The following CCDC171 variants were observed in gnomAD, a reference collection of about 807,000 sequenced individuals.
CCDC171 encodes coiled-coil domain containing 171, also known as coiled-coil domain-containing protein 171.
A neutral mutation model predicts 168.2 loss-of-function variants in CCDC171; 177 were observed. The observed-to-expected ratio is 1.05, with a 90% confidence interval of 0.93 to 1.19. The LOEUF is 1.19. CCDC171 is among the 50% of genes most tolerant of loss of function. The probability of loss-of-function intolerance (pLI) is 0.00; values close to 1 mark genes in which losing one functional copy is unlikely to be tolerated. For missense variants in CCDC171, 1,991 were observed against 1,539.0 expected, an observed-to-expected ratio of 1.29 and a Z score of -4.91; for synonymous variants, 687 against 540.8, an observed-to-expected ratio of 1.27 and a Z score of -3.75.
At chr9:15,683,308 A>G (rs1353701820) in intron 10 of CCDC171, among the ~76,000 whole-genome samples, 1 of 151,994 alleles carries the variant, frequency 6.6e-6, no homozygotes, top group African/African-American at 2.4e-5. Context: ...ATGATTTTGG[A>G]AAGTGCTTTG....
chr9:15,680,174 A>G (rs1351207347), intron 10 of CCDC171, among the ~76,000 whole-genome samples: 1 of 152,188 alleles, frequency 6.6e-6, no homozygotes, highest in East Asian at 1.9e-4. Flanking sequence ...CATTTTACAT[A>G]CCTAGATTCC....
intron 25 of CCDC171, among the ~76,000 whole-genome samples, chr9:15,961,053 A>G (rs1830286255): frequency 6.6e-6 from 1 of 152,190 alleles, no homozygotes; most frequent in Non-Finnish European, 1.5e-5. Flanking sequence ...TGAGAATTTA[A>G]TGCTAAGTTT....
rs375214888 is a variant in CCDC171, at chr9:15,778,982, G to A, written c.2913G>A (p.Ser971=). 135 of 1,523,354 alleles carry A rather than the reference G, an allele frequency of 8.9e-5. No individual in the cohort carries two copies. Among genetic ancestry groups the A allele is most frequent in the Middle Eastern group, 3.5e-4 (2 of 5,734 alleles). The allele number at this position is 1,523,354 out of a possible 1,614,324, so 94.4% of individuals were successfully genotyped here. The change falls in exon 20 of 26, where the codon TCG becomes TCA. Residue 971 remains serine, a synonymous_variant. Transcript: ENST00000380701. ...GHVPITKSTA[S]LQKQILGFTQ... is the part of the protein sequence containing the mutation. ...TTTAACAACAGAAAAGCACAGCATC[G>A]TTGCAGAAGCAAATACTTGGATTTA... is the stretch of plus-strand genomic sequence containing the variant.
At chr9:15,623,475 G>GCGCGCGCACA in intron 7 of CCDC171, 62 bp downstream of exon 7, 69 of 315,404 alleles carry the variant, frequency 2.2e-4, no homozygotes, top group African/African-American at 5.9e-4. Context: ...GCGCGCGCGC[G>GCGCGCGCACA]CACACACACA....
At chr9:15,565,191 TG>T (rs2039634324) in intron 2 of CCDC171, among the ~76,000 whole-genome samples, 1 of 151,140 alleles carries the variant, frequency 6.6e-6, no homozygotes, top group South Asian at 2.1e-4. Context: ...CGAGTTCAAG[TG>T]ATTCCCCTGC....
At chr9:16,017,171 C>T (rs1833047427) in intron 3 of CCDC171, among the ~76,000 whole-genome samples, 1 of 152,014 alleles carries the variant, frequency 6.6e-6, no homozygotes, top group Admixed American at 6.6e-5. Context: ...AGGAGGAAAC[C>T]AGAAAAGTGA....
chr9:16,009,113 A>G (rs1832787062), intron 3 of CCDC171, among the ~76,000 whole-genome samples: 1 of 152,242 alleles, frequency 6.6e-6, no homozygotes, highest in African/African-American at 2.4e-5. Context: ...TGCTTTCTCT[A>G]TTATTATGGA....
chr9:15,644,622 T>C (rs974506777), intron 7 of CCDC171, among the ~76,000 whole-genome samples: 1 of 152,204 alleles, frequency 6.6e-6, no homozygotes, highest in African/African-American at 2.4e-5. Flanking sequence ...GAGAGTCCCA[T>C]GCCCACGGAG....
At chr9:15,650,805 A>G (rs1342970468) in intron 7 of CCDC171, among the ~76,000 whole-genome samples, 1 of 152,126 alleles carries the variant, frequency 6.6e-6, no homozygotes, top group African/African-American at 2.4e-5. Context: ...GAAATTATCA[A>G]GTCACTAGTT....
chr9:15,895,849 A>G (rs969483347), intron 24 of CCDC171, among the ~76,000 whole-genome samples: 2 of 152,140 alleles, frequency 1.3e-5, no homozygotes, highest in East Asian at 1.9e-4. Context: ...GGCTGCTTAA[A>G]TTTCTAAGTC....
chr9:15,784,736 C>T (rs760756167), intron 21 of CCDC171, 42 bp downstream of exon 21: 2 of 1,431,730 alleles, frequency 1.4e-6, no homozygotes, highest in Admixed American at 3.5e-5. Context: ...GATATTTTAT[C>T]TATGTGTGGA....
chr9:15,650,986 T>G (rs2047468655), intron 7 of CCDC171, among the ~76,000 whole-genome samples: 2 of 152,292 alleles, frequency 1.3e-5, no homozygotes, highest in Non-Finnish European at 2.9e-5. Context: ...TACCCATTAG[T>G]CAATCTGTCT....
At chr9:15,982,299 C>G (rs920926961) in intron 3 of CCDC171, among the ~76,000 whole-genome samples, 1 of 152,104 alleles carries the variant, frequency 6.6e-6, no homozygotes, top group South Asian at 2.1e-4. Flanking sequence ...AATTTAGAAC[C>G]GTATTCACTC....
intron 24 of CCDC171, among the ~76,000 whole-genome samples, chr9:15,918,754 G>C (rs1462168854): frequency 6.6e-6 from 1 of 151,424 alleles, no homozygotes; most frequent in African/African-American, 2.4e-5. Flanking sequence ...TTATGCTTCT[G>C]CTTTTTTTCA....
At chr9:15,631,570 C>T (rs1022397414) in intron 7 of CCDC171, among the ~76,000 whole-genome samples, 2 of 152,166 alleles carry the variant, frequency 1.3e-5, no homozygotes, top group South Asian at 2.1e-4. Flanking sequence ...GTTGGATTCA[C>T]AGCCGAATTC....
At chr9:16,104,565 G>A in the CCDC171 span, among the ~76,000 whole-genome samples, 1 of 152,078 alleles carries the variant, frequency 6.6e-6, no homozygotes. Flanking sequence ...ATTTCAGGGA[G>A]GCAGGATTAC....
intron 7 of CCDC171, among the ~76,000 whole-genome samples, chr9:15,635,736 T>C (rs1386364846): frequency 1.3e-5 from 2 of 152,254 alleles, no homozygotes; most frequent in Non-Finnish European, 2.9e-5. Context: ...CCATAATGAA[T>C]AATGCCACCA....
In CCDC171 at chr9:15,662,080, C is replaced by T. The variant is rs145159630; in HGVS notation, c.916-4083C>T. On this transcript the variant is annotated intron_variant, in intron 8 of 25. Transcript: ENST00000380701. ...TCACTTGAGGCCAGGAGTTCCAGAC[C>T]AGTCTGGCCAACGTGGCGAAACCCC... 1.0e-3 allele frequency among the ~76,000 whole-genome samples: 157 copies of T among 152,280 alleles called. 1 individual carries two copies. Among genetic ancestry groups the T allele is most frequent in the African/African-American group, 3.6e-3 (150 of 41,560 alleles).
intron 21 of CCDC171, among the ~76,000 whole-genome samples, chr9:15,832,297 C>A (rs1200052018): frequency 2.0e-5 from 3 of 152,148 alleles, no homozygotes; most frequent in Non-Finnish European, 4.4e-5. Context: ...TGTGTGCCTT[C>A]CTTAAATGAG....
Sources: allele counts gnomAD v4.1 joint callset (sites outside exome capture counted in the v4.1 genomes callset), GRCh38; gene constraint gnomAD v4.1.1; transcripts MANE v1.5; gene names NCBI Gene and HGNC (gene_info 2026-07-23, HGNC 2026-07-21).